MYRIP: variants seen among roughly 807,000 people sequenced by gnomAD.
The protein encoded by MYRIP is myosin VIIA and Rab interacting protein.
MYRIP carries 49 observed loss-of-function variants against 98.0 expected under a neutral mutation model. The observed-to-expected ratio is 0.50, with a 90% confidence interval of 0.40 to 0.63. The LOEUF is 0.63. Among genes scored for constraint, MYRIP ranks in the 30% least tolerant of loss-of-function variants. MYRIP has a pLI of 0.00. For missense variants in MYRIP, 1,004 were observed against 1,058.2 expected (o/e 0.95, Z 0.71); for synonymous variants, 404 against 409.5 (o/e 0.99, Z 0.16).
At chr3:40,046,946 C>T (rs976430460) in intron 3 of MYRIP, among the ~76,000 whole-genome samples, 4 of 152,176 alleles carry the variant, frequency 2.6e-5, no homozygotes, top group African/African-American at 9.7e-5. Flanking sequence ...AGAGTGCAGT[C>T]ACAGCCTGTC....
chr3:40,128,489 G>T (rs1250618991), intron 3 of MYRIP, among the ~76,000 whole-genome samples: 3 of 152,098 alleles, frequency 2.0e-5, no homozygotes, highest in Non-Finnish European at 4.4e-5. Context: ...CCTCCACCTT[G>T]CAGCCTTCAT....
chr3:40,002,976 G>T (rs866468159), intron 2 of MYRIP, among the ~76,000 whole-genome samples: 6 of 151,388 alleles, frequency 4.0e-5, no homozygotes, highest in Middle Eastern at 3.2e-3. Flanking sequence ...ATATCTATAT[G>T]TATCTAGACA....
chr3:40,198,918 GAAAAT>G (rs1472555538), intron 10 of MYRIP, among the ~76,000 whole-genome samples: 1 of 152,080 alleles, frequency 6.6e-6, no homozygotes, highest in African/African-American at 2.4e-5. Context: ...ATGAACAGGA[GAAAAT>G]AAAATAAAAA....
chr3:40,005,735 G>A (rs1487904384), intron 2 of MYRIP, among the ~76,000 whole-genome samples: 1 of 152,088 alleles, frequency 6.6e-6, no homozygotes, highest in Non-Finnish European at 1.5e-5. Context: ...TGAGTATCTT[G>A]TCTATAATGT....
chr3:40,175,382 C>T (rs1185506484), intron 8 of MYRIP, among the ~76,000 whole-genome samples: 1 of 152,194 alleles, frequency 6.6e-6, no homozygotes, highest in East Asian at 1.9e-4. Flanking sequence ...CGCTGGCCAA[C>T]TCAGGAAGAT....
At chr3:39,811,470 G>T (rs1477657082) in intron 1 of MYRIP, among the ~76,000 whole-genome samples, 1 of 152,156 alleles carries the variant, frequency 6.6e-6, no homozygotes, top group African/African-American at 2.4e-5. Flanking sequence ...CCTATTTGCA[G>T]ATTTCAAAAT....
At chr3:40,192,637 AGAGGTGTCACC>A (rs1490153011) in intron 10 of MYRIP, among the ~76,000 whole-genome samples, 3 of 152,142 alleles carry the variant, frequency 2.0e-5, no homozygotes, top group Non-Finnish European at 4.4e-5. Context: ...AGTAAGTGAT[AGAGGTGTCACC>A]GAGGTGTCAC....
intron 12 of MYRIP, among the ~76,000 whole-genome samples, chr3:40,239,071 C>G (rs1392491566): frequency 7.7e-6 from 1 of 129,306 alleles, no homozygotes; most frequent in Non-Finnish European, 1.6e-5. Flanking sequence ...CCCCACCCCA[C>G]AACAGTCCTC....
intron 1 of MYRIP, among the ~76,000 whole-genome samples, chr3:39,873,200 G>T (rs1942860226): frequency 6.6e-6 from 1 of 151,940 alleles, no homozygotes; most frequent in Admixed American, 6.6e-5. Context: ...TTTTTTTCTT[G>T]TACATTTGTT....
At chr3:39,817,195 A>G (rs1344050507) in intron 1 of MYRIP, among the ~76,000 whole-genome samples, 1 of 152,242 alleles carries the variant, frequency 6.6e-6, no homozygotes, top group Non-Finnish European at 1.5e-5. Flanking sequence ...ACACTTGCTG[A>G]TTGTTGAACA....
chr3:40,182,125 C>G lies in MYRIP; in HGVS notation c.874-95C>G, dbSNP rs185661406. The G allele has an allele frequency of 3.3e-3, 4,302 of 1,322,470 alleles. 14 individuals carry two copies. The highest frequency in any genetic ancestry group is 3.9e-3 in the Non-Finnish European group (3,835 of 984,092). 81.9% of individuals were successfully genotyped at this position (1,322,470 alleles called of 1,614,324 possible). On this transcript the variant is annotated intron_variant, in intron 8 of 16. Transcript: ENST00000302541. ...GCCATTACCATTAAACATGTTTTCT[C>G]CATGCTGGACAATGTCTGCCCCCAA...
intron 3 of MYRIP, among the ~76,000 whole-genome samples, chr3:40,111,219 G>T (rs559035059): frequency 2.4e-3 from 361 of 152,296 alleles, no homozygotes; most frequent in Non-Finnish European, 3.4e-3. Flanking sequence ...GAAGGAGGAA[G>T]TTGTTTAGCA....
chr3:39,848,848 G>A (rs1020472325), intron 1 of MYRIP, among the ~76,000 whole-genome samples: 2 of 152,118 alleles, frequency 1.3e-5, no homozygotes, highest in Non-Finnish European at 2.9e-5. Flanking sequence ...TGCCACGAGA[G>A]AGGGAAACAT....
intron 3 of MYRIP, among the ~76,000 whole-genome samples, chr3:40,129,390 G>A (rs537923351): frequency 2.7e-4 from 33 of 124,148 alleles, no homozygotes; most frequent in Non-Finnish European, 4.0e-4. Context: ...GCAGTGAGCC[G>A]AGATAAAACC....
chr3:40,038,978 C>T (rs1467719852), intron 2 of MYRIP, among the ~76,000 whole-genome samples: 3 of 152,164 alleles, frequency 2.0e-5, no homozygotes, highest in Non-Finnish European at 4.4e-5. Context: ...GATGGAACAG[C>T]AACATGTCCA....
At chr3:40,093,612 A>G (rs1337566977) in intron 3 of MYRIP, among the ~76,000 whole-genome samples, 1 of 152,228 alleles carries the variant, frequency 6.6e-6, no homozygotes, top group Non-Finnish European at 1.5e-5. Flanking sequence ...CAAGTCTACC[A>G]TTCCCAGCTA....
intron 3 of MYRIP, among the ~76,000 whole-genome samples, chr3:40,080,062 A>C (rs947668958): frequency 6.6e-6 from 1 of 152,160 alleles, no homozygotes; most frequent in Non-Finnish European, 1.5e-5. Flanking sequence ...AAAGGTCCTG[A>C]TATTAAGGGA....
intron 1 of MYRIP, among the ~76,000 whole-genome samples, chr3:39,851,912 A>T (rs1003900763): frequency 5.9e-5 from 9 of 152,098 alleles, no homozygotes; most frequent in Non-Finnish European, 1.2e-4. Context: ...GGAGCTGGTC[A>T]GGCTTCTCCT....
chr3:40,205,937 C>T (rs1951780675), intron 10 of MYRIP, among the ~76,000 whole-genome samples: 1 of 152,156 alleles, frequency 6.6e-6, no homozygotes, highest in Non-Finnish European at 1.5e-5. Context: ...CCTGTTCAAT[C>T]AACACGTACC....
Sources: gnomAD v4.1 joint callset for allele counts (sites outside exome capture counted in the v4.1 genomes callset) on GRCh38, gnomAD v4.1.1 for gene constraint, MANE v1.5 for transcripts, NCBI Gene and HGNC (gene_info 2026-07-23, HGNC 2026-07-21) for gene names.